The following SCNN1B variants were observed in gnomAD, a reference collection of about 807,000 sequenced individuals.
SCNN1B encodes the protein epithelial sodium channel subunit beta.
Under a neutral mutation model 65.3 loss-of-function variants are expected in SCNN1B, and 46 were observed. That is an observed-to-expected ratio of 0.70 (90% confidence interval 0.56 to 0.90). The LOEUF (loss-of-function observed/expected upper bound fraction) is 0.90, where lower values mean the gene tolerates loss of function less well. Ranked by LOEUF, SCNN1B falls within the 40% of genes least tolerant of loss-of-function variation. The pLI is 0.00. For missense variants in SCNN1B, 751 were observed against 830.5 expected (o/e 0.90, Z 1.18); for synonymous variants, 349 against 330.6 (o/e 1.06, Z -0.60).
At chr16:23,345,552 T>C (rs554568142) in intron 1 of SCNN1B, among the ~76,000 whole-genome samples, 2 of 152,292 alleles carry the variant, frequency 1.3e-5, no homozygotes, top group Admixed American at 1.3e-4. Context: ...GACTTCCCGT[T>C]TGGGCTGCCA....
Position 23,371,831 on chromosome 16 carries a change from A to C in SCNN1B, c.1100A>C (p.Glu367Ala). 6.2e-7 allele frequency: 1 copy of C among 1,614,214 alleles called. No homozygotes were observed. Reference sequence around the variant, plus strand: ...AGCCCGTGCACCGTGAATGGTTCTGAGGTCCCCGTCCAAAACTTCTACAGT... The same window carrying C: ...AGCCCGTGCACCGTGAATGGTTCTGCGGTCCCCGTCCAAAACTTCTACAGT... ...PYSPCTVNGS[E>A]VPVQNFYSDY... The change falls in exon 7 of 13, where the codon GAG becomes GCG. Residue 367 changes from glutamate (E) to alanine (A), a missense_variant. Transcript: ENST00000343070.
chr16:23,306,243 A>G lies in SCNN1B; in HGVS notation c.-9+3806A>G, dbSNP rs77461938. 4.1e-5 allele frequency among the ~76,000 whole-genome samples: 6 copies of G among 146,550 alleles called. No individual in the cohort carries two copies. In the East Asian group the frequency reaches 1.2e-3, roughly 29 times the overall value. On this transcript the variant is annotated intron_variant, in intron 1 of 12. Transcript: ENST00000343070. ...GGGAGACAAGAGTGAAACTCTGTCA[A>G]AAAAAAAAAAAAACCTATGTTTCAA... is the stretch of plus-strand genomic sequence containing the variant.
At chr16:23,367,777 T>C (rs1185791836) in intron 4 of SCNN1B, 79 bp from the exon 5 acceptor site, 5 of 1,129,052 alleles carry the variant, frequency 4.4e-6, no homozygotes, top group Non-Finnish European at 6.8e-6. Flanking sequence ...AAGGAGGAAA[T>C]GAAAGGTGGA....
rs1961905035 is a variant in SCNN1B at position 23,334,931 on chromosome 16, T to C, written c.-8-13661T>C. Among the ~76,000 whole-genome samples, 6 of 152,368 alleles carry C rather than the reference T, an allele frequency of 3.9e-5. No homozygotes were observed. In the South Asian group the frequency reaches 6.2e-4, roughly 16 times the overall value. On this transcript the variant is annotated intron_variant, in intron 1 of 12. Transcript: ENST00000343070. ...AGAGCTCGGCCCATACTTAGTATTATGGAACAGTTTAATCTTTGCAAATCT... is the reference window on the plus strand; with the variant it reads ...AGAGCTCGGCCCATACTTAGTATTACGGAACAGTTTAATCTTTGCAAATCT...
At chr16:23,357,298 G>A (rs541621696) in intron 4 of SCNN1B, among the ~76,000 whole-genome samples, 2 of 152,316 alleles carry the variant, frequency 1.3e-5, no homozygotes, top group African/African-American at 4.8e-5. Flanking sequence ...AAATGCACAG[G>A]TGCAACCGGA....
chr16:23,351,463 C>T (rs1463145160), intron 2 of SCNN1B, among the ~76,000 whole-genome samples: 2 of 152,206 alleles, frequency 1.3e-5, no homozygotes, highest in East Asian at 1.9e-4. Flanking sequence ...AACACCACCA[C>T]CTGCACAGAC....
chr16:23,346,624 C>G (rs1242602676), intron 1 of SCNN1B, among the ~76,000 whole-genome samples: 1 of 152,040 alleles, frequency 6.6e-6, no homozygotes, highest in Non-Finnish European at 1.5e-5. Context: ...ACACAGTCCA[C>G]AAGCCCTTGC....
At position 23,371,395 on chromosome 16, in the gene SCNN1B, A is replaced by ACC; in HGVS notation, c.980_981dup (p.Phe328ProfsTer37). The stretch of plus-strand genomic sequence containing the variant: ...CTGATGCTTCACGAGCAGAGGTCAT[A>ACC]CCCCTTCATCAGAGATGAGGGCATC... On this transcript the variant is annotated frameshift_variant, in exon 6 of 13. Transcript: ENST00000343070. LOFTEE classifies it high-confidence loss of function. 3.1e-6 allele frequency: 5 copies of ACC among 1,614,000 alleles called. No individual in the cohort carries two copies. Among genetic ancestry groups the ACC allele is most frequent in the Non-Finnish European group, 4.2e-6 (5 of 1,179,990 alleles).
chr16:23,370,465 C>T (rs960009109), intron 5 of SCNN1B, among the ~76,000 whole-genome samples: 3 of 152,208 alleles, frequency 2.0e-5, no homozygotes, highest in Admixed American at 1.3e-4. Flanking sequence ...AAGTGCTCAA[C>T]TAGCCCTTAT....
chr16:23,313,828 C>T (rs945366801), intron 1 of SCNN1B, among the ~76,000 whole-genome samples: 4 of 152,056 alleles, frequency 2.6e-5, no homozygotes, highest in Non-Finnish European at 5.9e-5. Flanking sequence ...GCCAGGATGG[C>T]CTTGATCTCT....
intron 1 of SCNN1B, among the ~76,000 whole-genome samples, chr16:23,318,699 A>G (rs1026134945): frequency 6.6e-6 from 1 of 152,238 alleles, no homozygotes. Context: ...TAAGAAGGAG[A>G]TGAGATCATG....
At chr16:23,377,999 T>C (rs943717940) in intron 10 of SCNN1B, among the ~76,000 whole-genome samples, 8 of 152,144 alleles carry the variant, frequency 5.3e-5, no homozygotes, top group African/African-American at 1.9e-4. Flanking sequence ...ACTTTATTTT[T>C]GTATTTTTAC....
In SCNN1B at chr16:23,372,144, G is replaced by T. The variant is rs2142040056; in HGVS notation, c.1152+261G>T. On this transcript the variant is annotated intron_variant, in intron 7 of 12. Coordinates refer to ENST00000343070, the MANE Select transcript of SCNN1B (RefSeq NM_000336.3). Reference sequence around the variant, plus strand: ...GGGGATTATGGGGATCTTACTCTGGGGTTTCCCAAGATGAAAACAAAAAAT... The same window carrying T: ...GGGGATTATGGGGATCTTACTCTGGTGTTTCCCAAGATGAAAACAAAAAAT... The T allele has an allele frequency of 2.7e-5, 15 of 548,584 alleles. No individual in the cohort carries two copies. The East Asian group carries it at 4.7e-4, about 17-fold the overall frequency. 34.0% of individuals were successfully genotyped at this position (548,584 alleles called of 1,614,324 possible).
intron 4 of SCNN1B, among the ~76,000 whole-genome samples, chr16:23,360,224 A>T (rs1395694130): frequency 6.6e-6 from 1 of 151,330 alleles, no homozygotes; most frequent in Non-Finnish European, 1.5e-5. Context: ...AAATAAATAA[A>T]TAAACAAATA....
chr16:23,356,195 C>T (rs1436312107), intron 4 of SCNN1B, among the ~76,000 whole-genome samples: 1 of 152,196 alleles, frequency 6.6e-6, no homozygotes, highest in East Asian at 1.9e-4. Flanking sequence ...GTGCACCAGC[C>T]CGATGAGGGG....
At chr16:23,305,560 A>ATATATATATAT (rs1961189798) in intron 1 of SCNN1B, among the ~76,000 whole-genome samples, 1 of 44,198 alleles carries the variant, frequency 2.3e-5, no homozygotes, top group Non-Finnish European at 3.6e-5. Flanking sequence ...ATATATATAT[A>ATATATATATAT]TATATATATA....
chr16:23,279,268 C>T (rs1329483203), intron 1 of SCNN1B, among the ~76,000 whole-genome samples: 2 of 152,046 alleles, frequency 1.3e-5, no homozygotes, highest in South Asian at 2.1e-4. Context: ...TTAGTAGAGA[C>T]GGGTTTTCAC....
rs528180210 is a variant in SCNN1B, at chr16:23,281,389, C to T, written n.111-2348C>T. On this transcript the variant is annotated intron_variant and non_coding_transcript_variant, in intron 1 of 3. Coordinates refer to the SCNN1B transcript ENST00000569789. The stretch of plus-strand genomic sequence containing the variant: ...GGGAGGTTGCAGTGAGCCAAGACCA[C>T]ACCATTGCACTCCAGCCTGGGTGAC... Among the ~76,000 whole-genome samples, 3 of 152,268 alleles carry T rather than the reference C, an allele frequency of 2.0e-5. No homozygotes were observed. The East Asian group carries it at 5.8e-4, about 29-fold the overall frequency.
intron 4 of SCNN1B, among the ~76,000 whole-genome samples, chr16:23,365,559 GAAAGAA>G (rs1273883435): frequency 1.9e-5 from 1 of 52,884 alleles, no homozygotes; most frequent in Non-Finnish European, 3.3e-5. Context: ...GAAGGAAAGA[GAAAGAA>G]AGAAAGAAAG....
Sources: gnomAD v4.1 joint callset for allele counts (sites outside exome capture counted in the v4.1 genomes callset) on GRCh38, gnomAD v4.1.1 for gene constraint, MANE v1.5 for transcripts, NCBI Gene and HGNC (gene_info 2026-07-23, HGNC 2026-07-21) for gene names.